HIBADH: variants seen among roughly 807,000 people sequenced by gnomAD.
HIBADH encodes the protein 3-hydroxyisobutyrate dehydrogenase, mitochondrial.
A neutral mutation model predicts 36.1 loss-of-function variants in HIBADH; 25 were observed. The observed-to-expected ratio is 0.69, with a 90% confidence interval of 0.50 to 0.97. The LOEUF (loss-of-function observed/expected upper bound fraction) is 0.97. HIBADH is among the 50% of genes least tolerant of loss of function. HIBADH has a pLI of 0.00. For synonymous variants in HIBADH, 160 were observed against 149.5 expected (o/e 1.07, Z -0.51); for missense variants, 421 against 418.0 (o/e 1.01, Z -0.06).
At chr7:27,542,895 G>T in intron 5 of HIBADH, 72 bp downstream of exon 5, 1 of 1,420,660 alleles carries the variant, frequency 7.0e-7, no homozygotes, top group Non-Finnish European at 9.7e-7. Flanking sequence ...ATAAAAATAT[G>T]GTCAGGAAAG....
Position 27,528,373 on chromosome 7 carries a change from ACAGGCTGAAAGG to A in HIBADH, c.853-2013_853-2002del, listed in dbSNP as rs1362683650. 3.3e-5 allele frequency among the ~76,000 whole-genome samples: 5 copies of A among 152,320 alleles called. No homozygotes were observed. The East Asian group carries it at 9.6e-4, about 29-fold the overall frequency. On this transcript the variant is annotated intron_variant, in intron 7 of 7. Coordinates refer to ENST00000265395, the MANE Select transcript of HIBADH (RefSeq NM_152740.4). ...TGAGGAAGGCATGTAGAAAATCAAG[ACAGGCTGAAAGG>A]CAGGCCCATTAAAACAAACAGTAGA...
intron 5 of HIBADH, among the ~76,000 whole-genome samples, chr7:27,540,839 G>T (rs896164430): frequency 1.3e-5 from 2 of 152,162 alleles, no homozygotes; most frequent in Non-Finnish European, 2.9e-5. Flanking sequence ...AACTTTAAAA[G>T]TCAGTCCCTT....
At chr7:27,561,802 C>T (rs1184927248) in intron 4 of HIBADH, among the ~76,000 whole-genome samples, 2 of 152,120 alleles carry the variant, frequency 1.3e-5, no homozygotes, top group African/African-American at 2.4e-5. Flanking sequence ...AATACATACA[C>T]GTTTACATTG....
At chr7:27,570,153 CA>C (rs1198964667) in intron 4 of HIBADH, among the ~76,000 whole-genome samples, 2 of 152,202 alleles carry the variant, frequency 1.3e-5, no homozygotes, top group Non-Finnish European at 2.9e-5. Context: ...TTTCCTTCTC[CA>C]GTCTATTTGC....
chr7:27,582,203 A>AT (rs1409396333), intron 4 of HIBADH, among the ~76,000 whole-genome samples: 2 of 152,114 alleles, frequency 1.3e-5, no homozygotes, highest in Non-Finnish European at 2.9e-5. Context: ...CTCTTATACA[A>AT]TAAGCTCTGA....
chr7:27,609,471 T>C (rs1008330062), intron 4 of HIBADH, among the ~76,000 whole-genome samples: 6 of 152,146 alleles, frequency 3.9e-5, no homozygotes, highest in Admixed American at 1.3e-4. Context: ...GCTAAAGATA[T>C]TCTCCAGAGA....
chr7:27,563,666 C>T (rs1251615206), intron 4 of HIBADH, among the ~76,000 whole-genome samples: 1 of 152,174 alleles, frequency 6.6e-6, no homozygotes, highest in Non-Finnish European at 1.5e-5. Flanking sequence ...TGTCAAGCAT[C>T]TTTTCATGTG....
chr7:27,622,329 A>T (rs1034683062), intron 4 of HIBADH, among the ~76,000 whole-genome samples: 1 of 152,122 alleles, frequency 6.6e-6, no homozygotes, highest in Admixed American at 6.5e-5. Context: ...ACATACCAAA[A>T]CCTCTGGGAT....
intron 6 of HIBADH, 133 bp from the exon 7 acceptor site, chr7:27,531,481 C>A (rs371096286): frequency 2.8e-6 from 2 of 726,906 alleles, no homozygotes; most frequent in Non-Finnish European, 4.2e-6. Context: ...CAGGTTGATA[C>A]GAGAGTGAAG....
At chr7:27,568,544 G>A (rs950534841) in intron 4 of HIBADH, among the ~76,000 whole-genome samples, 22 of 151,898 alleles carry the variant, frequency 1.4e-4, no homozygotes, top group Admixed American at 1.3e-3. Flanking sequence ...TGCAACCTTC[G>A]CCTCCAGGGT....
intron 2 of HIBADH, among the ~76,000 whole-genome samples, chr7:27,645,527 C>T (rs2391449): frequency 0.76 from 114,765 of 151,436 alleles, 43,915 homozygotes; most frequent in East Asian, 0.94. Context: ...TACAGGTGCA[C>T]ACCACCACAC....
Position 27,662,709 on chromosome 7 carries a change from C to G in HIBADH, c.80G>C (p.Ser27Thr). 1 of 1,368,464 alleles carries G rather than the reference C, an allele frequency of 7.3e-7. No homozygotes were observed. Among genetic ancestry groups the G allele is most frequent in the Non-Finnish European group, 9.5e-7 (1 of 1,054,390 alleles). The allele number at this position is 1,368,464 out of a possible 1,614,324, so 84.8% of individuals were successfully genotyped here. A position where few individuals can be genotyped will look rare whatever the true frequency, so the allele number is the denominator to read the frequency against. The change falls in exon 1 of 8, where the codon AGC becomes ACC. Residue 27 changes from serine (S) to threonine (T), a missense_variant. Coordinates refer to ENST00000265395, the MANE Select transcript of HIBADH (RefSeq NM_152740.4). The part of the protein sequence containing the change: ...WSRRLRPAAG[S>T]FAAVCSRSVA... Reference sequence around the variant, plus strand: ...CGTGAGGTCCTTACCCGCTGCAAAGCTGCCGGCTGCCGGCCGCAGCCGCCG... The same window carrying G: ...CGTGAGGTCCTTACCCGCTGCAAAGGTGCCGGCTGCCGGCCGCAGCCGCCG...
At chr7:27,591,143 G>GT (rs1784933319) in intron 4 of HIBADH, among the ~76,000 whole-genome samples, 1 of 152,130 alleles carries the variant, frequency 6.6e-6, no homozygotes, top group South Asian at 2.1e-4. Flanking sequence ...AGGTAAATGG[G>GT]TACGATCAAA....
chr7:27,526,429 C>T, intron 7 of HIBADH, 57 bp from the exon 8 acceptor site: 10 of 1,425,738 alleles, frequency 7.0e-6, no homozygotes, highest in Non-Finnish European at 9.4e-6. Flanking sequence ...CTCTTTGGAA[C>T]TGTGGTTCCT....
intron 4 of HIBADH, among the ~76,000 whole-genome samples, chr7:27,556,796 CTT>C: frequency 6.6e-6 from 1 of 152,244 alleles, no homozygotes; most frequent in East Asian, 1.9e-4. Flanking sequence ...ATCACTGTAA[CTT>C]TATACTGTGT....
chr7:27,640,410 G>A (rs976892802), intron 2 of HIBADH, among the ~76,000 whole-genome samples: 7 of 152,074 alleles, frequency 4.6e-5, no homozygotes, highest in African/African-American at 1.7e-4. Flanking sequence ...CACACCTGTG[G>A]TCCCAACTAC....
chr7:27,614,642 G>A (rs1019310699), intron 4 of HIBADH, among the ~76,000 whole-genome samples: 9 of 152,156 alleles, frequency 5.9e-5, no homozygotes, highest in Non-Finnish European at 5.9e-5. Flanking sequence ...TATCATTGTT[G>A]CTATATAAAA....
At chr7:27,560,776 G>A (rs1383357010) in intron 4 of HIBADH, among the ~76,000 whole-genome samples, 1 of 152,148 alleles carries the variant, frequency 6.6e-6, no homozygotes, top group East Asian at 1.9e-4. Context: ...TATGAGTACT[G>A]CTGCTATGAA....
At chr7:27,641,211 A>G (rs1785954317) in intron 2 of HIBADH, among the ~76,000 whole-genome samples, 1 of 7,364 alleles carries the variant, frequency 1.4e-4, no homozygotes, top group Non-Finnish European at 2.0e-4. Flanking sequence ...TTTGCTTTCA[A>G]AAAAAACAAA....
Sources: allele counts gnomAD v4.1 joint callset (sites outside exome capture counted in the v4.1 genomes callset), GRCh38; gene constraint gnomAD v4.1.1; transcripts MANE v1.5; gene names NCBI Gene and HGNC (gene_info 2026-07-23, HGNC 2026-07-21).